ZNF200: variants seen among roughly 807,000 people sequenced by gnomAD.
The protein encoded by ZNF200 is zinc finger protein 200.
A neutral mutation model predicts 33.6 loss-of-function variants in ZNF200; 35 were observed. That is an observed-to-expected ratio of 1.04 (90% confidence interval 0.80 to 1.38). The LOEUF (loss-of-function observed/expected upper bound fraction) is 1.38. ZNF200 is among the 40% of genes most tolerant of loss of function. The pLI is 0.00. For synonymous variants in ZNF200, 209 were observed against 167.7 expected, an observed-to-expected ratio of 1.25 and a Z score of -1.90; for missense variants, 592 against 470.6, an observed-to-expected ratio of 1.26 and a Z score of -2.39.
rs1958558560 is a variant in ZNF200, at chr16:3,229,029, G to T, written c.466+3392C>A. ...TTGTCTGTACATATTCAGTTTTTTT[G>T]TCATTCCCTAAACAATTTAGTATAA... On this transcript the variant is annotated intron_variant, in intron 4 of 4. Transcript: ENST00000414144. 2.6e-5 allele frequency among the ~76,000 whole-genome samples: 4 copies of T among 152,012 alleles called. No individual in the cohort carries two copies. The South Asian group carries it at 8.3e-4, about 32-fold the overall frequency.
intron 1 of ZNF200, among the ~76,000 whole-genome samples, chr16:3,234,443 A>G (rs1485874328): frequency 1.3e-5 from 2 of 152,116 alleles, no homozygotes; most frequent in East Asian, 3.9e-4. Context: ...GAGGAAGGGA[A>G]TCAGGGAAGA....
chr16:3,230,917 A>G (rs958808496), intron 4 of ZNF200, among the ~76,000 whole-genome samples: 3 of 152,244 alleles, frequency 2.0e-5, no homozygotes, highest in Non-Finnish European at 2.9e-5. Flanking sequence ...ATACCTATAA[A>G]AATTTCACAC....
intron 4 of ZNF200, among the ~76,000 whole-genome samples, chr16:3,231,325 G>A (rs181994943): frequency 5.3e-5 from 8 of 152,202 alleles, no homozygotes; most frequent in Admixed American, 3.3e-4. Context: ...GCAACCTGCG[G>A]GAAATTAACT....
intron 2 of ZNF200, 57 bp from the exon 3 acceptor site, chr16:3,232,978 T>TCCC: frequency 6.6e-7 from 1 of 1,504,304 alleles, no homozygotes; most frequent in Non-Finnish European, 9.2e-7. Context: ...ACACAGAGAC[T>TCCC]CCCCATACCG....
In ZNF200 at chr16:3,222,971, G is replaced by T. The variant is rs1283740736; in HGVS notation, c.*921C>A. On this transcript the variant is annotated 3_prime_UTR_variant, in exon 5 of 5. Transcript: ENST00000414144. Reference sequence around the variant, plus strand: ...AGAGGGGACCTAAGCATATGGTAAGGTTATTGATGAGACATGGATCCAAGC... The same window carrying T: ...AGAGGGGACCTAAGCATATGGTAAGTTTATTGATGAGACATGGATCCAAGC... 2.6e-5 allele frequency: 4 copies of T among 152,224 alleles called. No individual in the cohort carries two copies. The highest frequency in any genetic ancestry group is 5.9e-5 in the Non-Finnish European group (4 of 68,056). The allele number at this position is 152,224 out of a possible 1,614,324, so 9.4% of individuals were successfully genotyped here. A position where few individuals can be genotyped will look rare whatever the true frequency, so the allele number is the denominator to read the frequency against.
intron 4 of ZNF200, among the ~76,000 whole-genome samples, chr16:3,231,130 C>G (rs1222147757): frequency 6.6e-6 from 1 of 152,098 alleles, no homozygotes; most frequent in Non-Finnish European, 1.5e-5. Context: ...AAGTGGGGAA[C>G]AGAGGGTGAG....
chr16:3,234,398 T>A (rs1331306710), intron 1 of ZNF200, among the ~76,000 whole-genome samples: 1 of 149,566 alleles, frequency 6.7e-6, no homozygotes, highest in East Asian at 2.0e-4. Flanking sequence ...AGACCCTGAC[T>A]CTAAAAAAAG....
rs1206638940 is a variant in ZNF200 at position 3,233,588 on chromosome 16, C to T, written c.168G>A (p.Lys56=). ...VLEHFLTFLP[K]PSLVQPSQKV... Reference sequence around the variant, plus strand: ...TCTGACTGGGCTGGACCAGGCTTGGCTTGGGCAAGAAGGTGAGGAAGTGCT... The same window carrying T: ...TCTGACTGGGCTGGACCAGGCTTGGTTTGGGCAAGAAGGTGAGGAAGTGCT... Residue 56 remains lysine, a synonymous_variant, in exon 2 of 5, where the codon AAG becomes AAA. Coordinates refer to ENST00000414144, the MANE Select transcript of ZNF200 (RefSeq NM_198088.3). 6.2e-7 allele frequency: 1 copy of T among 1,612,734 alleles called. No individual in the cohort carries two copies. The highest frequency in any genetic ancestry group is 1.3e-5 in the African/African-American group (1 of 75,024).
Sources: allele counts gnomAD v4.1 joint callset (sites outside exome capture counted in the v4.1 genomes callset), GRCh38; gene constraint gnomAD v4.1.1; transcripts MANE v1.5; gene names NCBI Gene and HGNC (gene_info 2026-07-23, HGNC 2026-07-21).